Variants in TCF4 observed in about 807,000 individuals in gnomAD.
The protein encoded by TCF4 is transcription factor 4.
In TCF4, 3 loss-of-function variants were observed where a neutral mutation model predicts 82.1. The ratio of observed to expected loss-of-function variants is 0.04; its 90% CI spans 0.02 to 0.09. The LOEUF (loss-of-function observed/expected upper bound fraction) is 0.09, where lower values mean the gene tolerates loss of function less well. Among genes scored for constraint, TCF4 ranks in the 10% least tolerant of loss-of-function variants. The pLI, the probability that TCF4 is intolerant of heterozygous loss-of-function variation, is 1.00. For missense variants in TCF4, 518 were observed against 852.7 expected (o/e 0.61, Z 4.89); for synonymous variants, 276 against 309.6 (o/e 0.89, Z 1.14).
At chr18:55,536,930 C>G (rs1041681507) in intron 3 of TCF4, among the ~76,000 whole-genome samples, 1 of 151,422 alleles carries the variant, frequency 6.6e-6, no homozygotes, top group Non-Finnish European at 1.5e-5. Context: ...GTCAGGAGAT[C>G]GAGAACATCC....
chr18:55,482,788 C>T (rs183995749), intron 3 of TCF4: 5 of 152,268 alleles, frequency 3.3e-5, no homozygotes, highest in East Asian at 1.9e-4. Flanking sequence ...AACTTGAACA[C>T]GTGGTTCTTC....
chr18:55,238,100 T>A (rs2050087096), intron 15 of TCF4, among the ~76,000 whole-genome samples: 1 of 152,254 alleles, frequency 6.6e-6, no homozygotes, highest in Non-Finnish European at 1.5e-5. Context: ...CGTCATAATG[T>A]GACTAGGAGA....
chr18:55,447,556 C>G (rs905080434), intron 5 of TCF4, among the ~76,000 whole-genome samples: 1 of 152,008 alleles, frequency 6.6e-6, no homozygotes, highest in Non-Finnish European at 1.5e-5. Context: ...AATGACTGTA[C>G]GAACCAAAGA....
chr18:55,338,836 G>A (rs1468251697), intron 8 of TCF4, among the ~76,000 whole-genome samples: 1 of 152,128 alleles, frequency 6.6e-6, no homozygotes, highest in Non-Finnish European at 1.5e-5. Context: ...ATTCCAACGA[G>A]GCATCGTCAG....
intron 3 of TCF4, among the ~76,000 whole-genome samples, chr18:55,472,253 T>C (rs183185482): frequency 2.8e-4 from 42 of 152,328 alleles, no homozygotes; most frequent in Admixed American, 2.3e-3. Context: ...GTTACAAATA[T>C]GTCAGTGGTG....
chr18:55,399,087 T>C lies in TCF4; in HGVS notation c.369+4367A>G, dbSNP rs562882028. Among the ~76,000 whole-genome samples, 341 of 152,336 alleles carry C rather than the reference T, an allele frequency of 2.2e-3. 3 individuals carry two copies. Among genetic ancestry groups the C allele is most frequent in the Non-Finnish European group, 3.4e-3 (231 of 68,018 alleles). ...TTTCGTAATAAACAAAATAATTTTG[T>C]ACGGTTTTCACTTACATCCTTTCTA... On this transcript the variant is annotated intron_variant, in intron 6 of 19. Transcript: ENST00000354452.
chr18:55,635,591 G>C, intron 1 of TCF4: 1 of 1,334,480 alleles, frequency 7.5e-7, no homozygotes, highest in Non-Finnish European at 9.9e-7. Flanking sequence ...GTCAGGGAGA[G>C]AGGTTAGAGA....
chr18:55,379,448 C>T (rs1019694541), intron 6 of TCF4, among the ~76,000 whole-genome samples: 7 of 152,154 alleles, frequency 4.6e-5, no homozygotes, highest in African/African-American at 1.4e-4. Context: ...AGAGATGCAG[C>T]AGCTCCAGGA....
chr18:55,510,461 T>C (rs1603617855), intron 3 of TCF4: 1 of 730,254 alleles, frequency 1.4e-6, no homozygotes, highest in South Asian at 3.3e-5. Flanking sequence ...TAGAAGCCTT[T>C]GTAAAAACCC....
chr18:55,427,094 T>G (rs1165735982), intron 5 of TCF4, among the ~76,000 whole-genome samples: 1 of 152,208 alleles, frequency 6.6e-6, no homozygotes, highest in African/African-American at 2.4e-5. Flanking sequence ...AAAAAAACTT[T>G]AAAAACCAGA....
intron 6 of TCF4, among the ~76,000 whole-genome samples, chr18:55,385,585 G>T (rs941306746): frequency 6.6e-6 from 1 of 152,136 alleles, no homozygotes; most frequent in Non-Finnish European, 1.5e-5. Context: ...ATTTTTAGTA[G>T]AGATGGGGTT....
At chr18:55,578,057 G>T (rs1371393867) in intron 3 of TCF4, among the ~76,000 whole-genome samples, 2 of 152,088 alleles carry the variant, frequency 1.3e-5, no homozygotes, top group African/African-American at 4.8e-5. Context: ...AACAGCACCA[G>T]ATCCCCCAAG....
At chr18:55,228,144 G>T in intron 19 of TCF4, 77 bp downstream of exon 19, 1 of 1,579,450 alleles carries the variant, frequency 6.3e-7, no homozygotes, top group Non-Finnish European at 8.7e-7. Context: ...CAATTTGGGT[G>T]AAATTCACTT....
chr18:55,620,790 T>C (rs2097717043), intron 2 of TCF4, among the ~76,000 whole-genome samples: 1 of 143,220 alleles, frequency 7.0e-6, no homozygotes, highest in Non-Finnish European at 1.5e-5. Flanking sequence ...CTCATATATT[T>C]TGTCCAGTTC....
At chr18:55,372,293 T>C (rs1048673138) in intron 6 of TCF4, among the ~76,000 whole-genome samples, 13 of 151,450 alleles carry the variant, frequency 8.6e-5, no homozygotes, top group Non-Finnish European at 1.5e-5. Context: ...AGAGGAAAAA[T>C]AAATAAATCA....
chr18:55,492,930 T>C (rs1409894337), intron 3 of TCF4, among the ~76,000 whole-genome samples: 1 of 152,124 alleles, frequency 6.6e-6, no homozygotes, highest in Non-Finnish European at 1.5e-5. Context: ...AGGAGACACA[T>C]ACACATATCC....
chr18:55,347,130 G>A (rs150222706), intron 8 of TCF4, among the ~76,000 whole-genome samples: 1 of 152,086 alleles, frequency 6.6e-6, no homozygotes, highest in Non-Finnish European at 1.5e-5. Context: ...GTAGATTCAA[G>A]AGCTTAGACA....
chr18:55,425,458 A>G (rs1421026472), intron 5 of TCF4, among the ~76,000 whole-genome samples: 1 of 150,518 alleles, frequency 6.6e-6, no homozygotes, highest in Admixed American at 6.6e-5. Context: ...TCCCCAATGG[A>G]TCCTATAATT....
intron 3 of TCF4, among the ~76,000 whole-genome samples, chr18:55,571,673 T>C (rs944144484): frequency 3.0e-4 from 45 of 151,840 alleles, no homozygotes; most frequent in African/African-American, 9.9e-4. Flanking sequence ...TTAACAAAAG[T>C]CTTGCTAGGA....
Sources: gnomAD v4.1 joint callset for allele counts (sites outside exome capture counted in the v4.1 genomes callset) on GRCh38, gnomAD v4.1.1 for gene constraint, MANE v1.5 for transcripts, NCBI Gene and HGNC (gene_info 2026-07-23, HGNC 2026-07-21) for gene names.